Variants in SDK2 observed in about 807,000 individuals in gnomAD.
The protein encoded by SDK2 is protein sidekick-2.
SDK2 carries 105 observed loss-of-function variants against 253.9 expected under a neutral mutation model. That is an observed-to-expected ratio of 0.41 (90% CI 0.35 to 0.49). SDK2 has a LOEUF of 0.49. SDK2 is among the 20% of genes least tolerant of loss of function. SDK2 has a pLI of 0.06. For synonymous variants in SDK2, 1,249 were observed against 1,234.9 expected (o/e 1.01, Z -0.24); for missense variants, 2,608 against 3,003.0 (o/e 0.87, Z 3.07).
At chr17:73,381,936 C>T (rs1304108996) in intron 33 of SDK2, among the ~76,000 whole-genome samples, 4 of 151,642 alleles carry the variant, frequency 2.6e-5, no homozygotes, top group African/African-American at 4.8e-5. Flanking sequence ...AAACAAAAGC[C>T]GGGCGCAGTG....
At chr17:73,369,437 CCCAGCTGCACCGCAT>C (rs1170294062) in intron 36 of SDK2, among the ~76,000 whole-genome samples, 7 of 152,240 alleles carry the variant, frequency 4.6e-5, no homozygotes, top group Non-Finnish European at 8.8e-5. Flanking sequence ...GAGGCTGAAT[CCCAGCTGCACCGCAT>C]ACAGCAGCGG....
intron 40 of SDK2, among the ~76,000 whole-genome samples, chr17:73,354,184 G>A (rs2062565736): frequency 6.6e-6 from 1 of 152,136 alleles, no homozygotes; most frequent in African/African-American, 2.4e-5. Context: ...TGGGATTACA[G>A]GTGTGAGCCA....
intron 1 of SDK2, among the ~76,000 whole-genome samples, chr17:73,597,649 C>CT (rs762635491): frequency 0.19 from 26,397 of 142,384 alleles, 2,580 homozygotes; most frequent in African/African-American, 0.2. Context: ...ATTTTCTTTT[C>CT]TTTTTTTTTT....
chr17:73,415,481 G>A (rs549555596), intron 17 of SDK2, among the ~76,000 whole-genome samples: 1 of 151,686 alleles, frequency 6.6e-6, no homozygotes. Context: ...GAGTAGCTGG[G>A]ACCACAGGCA....
At chr17:73,477,571 C>A (rs2063694791) in intron 2 of SDK2, among the ~76,000 whole-genome samples, 1 of 152,222 alleles carries the variant, frequency 6.6e-6, no homozygotes, top group Non-Finnish European at 1.5e-5. Flanking sequence ...ATGTGGGCAT[C>A]CAGCGAGGCC....
intron 2 of SDK2, among the ~76,000 whole-genome samples, chr17:73,487,577 G>A (rs780067127): frequency 2.0e-5 from 3 of 152,210 alleles, no homozygotes; most frequent in Non-Finnish European, 2.9e-5. Context: ...GCGTCACCTG[G>A]GAGCGGGTCA....
intron 1 of SDK2, among the ~76,000 whole-genome samples, chr17:73,589,636 A>T (rs1355614294): frequency 6.6e-6 from 1 of 152,158 alleles, no homozygotes; most frequent in African/African-American, 2.4e-5. Flanking sequence ...ACTCTGCGTC[A>T]CTCTGTCCTA....
intron 6 of SDK2, among the ~76,000 whole-genome samples, chr17:73,440,413 C>T (rs2063405927): frequency 6.6e-6 from 1 of 152,232 alleles, no homozygotes; most frequent in South Asian, 2.1e-4. Context: ...AAGCCGTACT[C>T]TTAACCACCA....
chr17:73,636,298 G>A (rs1468666552), intron 1 of SDK2, among the ~76,000 whole-genome samples: 2 of 152,116 alleles, frequency 1.3e-5, no homozygotes, highest in Non-Finnish European at 2.9e-5. Flanking sequence ...TGGTTGTAAT[G>A]CACCTTGCCA....
At chr17:73,597,405 A>G (rs1169007149) in intron 1 of SDK2, among the ~76,000 whole-genome samples, 1 of 152,164 alleles carries the variant, frequency 6.6e-6, no homozygotes, top group African/African-American at 2.4e-5. Flanking sequence ...TCTCAGTTCT[A>G]TAAAGCAGGG....
At chr17:73,472,431 C>T (rs1279517949) in intron 2 of SDK2, among the ~76,000 whole-genome samples, 1 of 152,234 alleles carries the variant, frequency 6.6e-6, no homozygotes, top group Non-Finnish European at 1.5e-5. Context: ...GGCCTTTGCT[C>T]AGCTGCCTGG....
chr17:73,634,109 T>C (rs2046302273), intron 1 of SDK2, among the ~76,000 whole-genome samples: 1 of 152,170 alleles, frequency 6.6e-6, no homozygotes, highest in South Asian at 2.1e-4. Flanking sequence ...TAAGACCCTA[T>C]GGACATCAAG....
At chr17:73,421,573 C>CTTT (rs36068491) in intron 15 of SDK2, among the ~76,000 whole-genome samples, 2,560 of 90,636 alleles carry the variant, frequency 0.028, 137 homozygotes, top group African/African-American at 0.062. Flanking sequence ...CAATTTCCAT[C>CTTT]TTTTTTTTTT....
rs867252722 is a variant in SDK2 at position 73,379,124 on chromosome 17, C to T, written c.4980+53G>A. On this transcript the variant is annotated intron_variant, in intron 36 of 44. Transcript: ENST00000392650. This position sits in a 1 kb window ranked among gnomAD's most constrained non-coding sequence, Gnocchi z 4.5. ...CCACATATCACTCACTCCCCAGCCTCCGACCTGGCTTCTCATCCGTGCACC... is the reference window on the plus strand; with the variant it reads ...CCACATATCACTCACTCCCCAGCCTTCGACCTGGCTTCTCATCCGTGCACC... 1.2e-5 allele frequency: 16 copies of T among 1,382,590 alleles called. 1 individual carries two copies. In the Middle Eastern group the frequency reaches 2.8e-3, roughly 245 times the overall value. The allele number at this position is 1,382,590 out of a possible 1,614,324, so 85.6% of individuals were successfully genotyped here.
chr17:73,507,932 C>T (rs1447867819), intron 1 of SDK2, among the ~76,000 whole-genome samples: 1 of 152,246 alleles, frequency 6.6e-6, no homozygotes, highest in African/African-American at 2.4e-5. Flanking sequence ...ATGGGTTCCC[C>T]CTCCAGGGCA....
chr17:73,561,224 G>C (rs908425158), intron 1 of SDK2, among the ~76,000 whole-genome samples: 2 of 152,202 alleles, frequency 1.3e-5, no homozygotes, highest in African/African-American at 4.8e-5. Flanking sequence ...GTGTGAAAGG[G>C]AGACAATTAC....
intron 1 of SDK2, among the ~76,000 whole-genome samples, chr17:73,536,485 C>G (rs1481912652): frequency 6.6e-6 from 1 of 152,244 alleles, no homozygotes; most frequent in East Asian, 1.9e-4. Context: ...AACCCCCAGG[C>G]TGGGCCACCT....
chr17:73,524,118 T>C (rs1400825147), intron 1 of SDK2, among the ~76,000 whole-genome samples: 12 of 152,164 alleles, frequency 7.9e-5, no homozygotes, highest in Non-Finnish European at 1.5e-5. Flanking sequence ...TGCTTGGGCC[T>C]CCATTTGCCC....
intron 4 of SDK2, among the ~76,000 whole-genome samples, chr17:73,454,315 T>C (rs1390883734): frequency 6.6e-6 from 1 of 152,208 alleles, no homozygotes; most frequent in African/African-American, 2.4e-5. Flanking sequence ...TTTCATCGAG[T>C]CTGTGAACCT....
Sources: gnomAD v4.1 joint callset for allele counts (sites outside exome capture counted in the v4.1 genomes callset) on GRCh38, gnomAD v4.1.1 for gene constraint, Gnocchi (gnomAD v3.1) non-coding constraint, MANE v1.5 for transcripts, NCBI Gene and HGNC (gene_info 2026-07-23, HGNC 2026-07-21) for gene names.